SLC16A7: variants seen among roughly 807,000 people sequenced by gnomAD.
SLC16A7 encodes the protein monocarboxylate transporter 2.
A neutral mutation model predicts 34.9 loss-of-function variants in SLC16A7; 33 were observed. That is an observed-to-expected ratio of 0.94 (90% CI 0.72 to 1.26). SLC16A7 has a LOEUF of 1.26. Ranked by LOEUF, SLC16A7 falls within the 50% of genes most tolerant of loss-of-function variation. The pLI, the probability that SLC16A7 is intolerant of heterozygous loss-of-function variation, is 0.00. For synonymous variants in SLC16A7, 201 were observed against 206.6 expected (o/e 0.97, Z 0.23); for missense variants, 573 against 578.1 (o/e 0.99, Z 0.09).
At chr12:59,616,896 A>G (rs562394583) in intron 1 of SLC16A7, among the ~76,000 whole-genome samples, 20 of 152,260 alleles carry the variant, frequency 1.3e-4, no homozygotes, top group Admixed American at 8.5e-4. Flanking sequence ...TCATTACCCC[A>G]TTAAAAATCA....
Position 59,775,187 on chromosome 12 carries a change from C to G in SLC16A7, c.892C>G (p.Pro298Ala), listed in dbSNP as rs779925150. 7.4e-6 allele frequency: 12 copies of G among 1,613,962 alleles called. No homozygotes were observed. The highest frequency in any genetic ancestry group is 5.1e-6 in the Non-Finnish European group (6 of 1,180,020). ...GGCTTTCGTTGATATGTTTGCTAGG[C>G]CTTCTGTAGGATTAATTGCAAACTC... ...VMAFVDMFARPSVGLIANSKY... is the reference protein window; with the variant it reads ...VMAFVDMFARASVGLIANSKY... The change falls in exon 5 of 6, where the codon CCT becomes GCT. Residue 298 changes from proline to alanine, a missense_variant. Transcript: ENST00000547379.
chr12:59,748,989 G>C (rs559902227), intron 3 of SLC16A7, among the ~76,000 whole-genome samples: 54 of 152,244 alleles, frequency 3.5e-4, no homozygotes, highest in Non-Finnish European at 6.0e-4. Context: ...AGCTTCTACT[G>C]ACCAAAAAGC....
At chr12:59,779,037 G>T (rs1436095951) in intron 5 of SLC16A7, among the ~76,000 whole-genome samples, 1 of 152,006 alleles carries the variant, frequency 6.6e-6, no homozygotes, top group Non-Finnish European at 1.5e-5. Flanking sequence ...GAAGAGAAAA[G>T]GAAGCATGGA....
chr12:59,658,226 T>C (rs1868638671), intron 2 of SLC16A7, among the ~76,000 whole-genome samples: 1 of 151,998 alleles, frequency 6.6e-6, no homozygotes, highest in African/African-American at 2.4e-5. Context: ...TTGTGGTGCT[T>C]TTCAGTCAAT....
chr12:59,765,241 C>T (rs1260885746), intron 3 of SLC16A7, among the ~76,000 whole-genome samples: 1 of 152,078 alleles, frequency 6.6e-6, no homozygotes. Flanking sequence ...AGCCCTTTGT[C>T]AGATGAGTAG....
At chr12:59,769,029 C>A (rs902178020) in intron 3 of SLC16A7, 1 of 150,928 alleles carries the variant, frequency 6.6e-6, no homozygotes, top group African/African-American at 2.4e-5. Context: ...CCATAGCTAC[C>A]CCAGCCTTTA....
At chr12:59,645,064 C>T (rs1211314630) in intron 1 of SLC16A7, among the ~76,000 whole-genome samples, 1 of 152,146 alleles carries the variant, frequency 6.6e-6, no homozygotes, top group African/African-American at 2.4e-5. Flanking sequence ...TCTTCATTAT[C>T]TCTTATGTCT....
chr12:59,735,952 A>G (rs888221314), intron 3 of SLC16A7: 2 of 1,236,658 alleles, frequency 1.6e-6, no homozygotes, highest in Non-Finnish European at 2.1e-6. Context: ...AGCGGAATGC[A>G]TCATTCACCC....
chr12:59,664,393 AC>A (rs1869027179), intron 2 of SLC16A7, among the ~76,000 whole-genome samples: 1 of 152,102 alleles, frequency 6.6e-6, no homozygotes, highest in African/African-American at 2.4e-5. Context: ...AGAGTGGCTG[AC>A]CATGTAGGGA....
chr12:59,658,650 G>A (rs892821290), intron 2 of SLC16A7, among the ~76,000 whole-genome samples: 12 of 151,998 alleles, frequency 7.9e-5, no homozygotes, highest in Non-Finnish European at 1.8e-4. Flanking sequence ...ATGCCCAGCT[G>A]TTAATATATT....
At chr12:59,772,635 C>T (rs1284853788) in intron 4 of SLC16A7, among the ~76,000 whole-genome samples, 1 of 152,094 alleles carries the variant, frequency 6.6e-6, no homozygotes. Context: ...AGCATTTAAA[C>T]TTGATACATA....
At chr12:59,757,569 G>A (rs1392238108) in intron 3 of SLC16A7, among the ~76,000 whole-genome samples, 1 of 152,048 alleles carries the variant, frequency 6.6e-6, no homozygotes, top group Non-Finnish European at 1.5e-5. Flanking sequence ...GTCCTCTATA[G>A]AAACATTTTT....
At chr12:59,747,129 G>T (rs1878979763) in intron 3 of SLC16A7, among the ~76,000 whole-genome samples, 1 of 152,154 alleles carries the variant, frequency 6.6e-6, no homozygotes, top group Non-Finnish European at 1.5e-5. Context: ...AGTGCACCTG[G>T]CCTATTGTGT....
intron 3 of SLC16A7, among the ~76,000 whole-genome samples, chr12:59,719,460 G>C (rs1160981043): frequency 6.6e-6 from 1 of 151,810 alleles, no homozygotes; most frequent in African/African-American, 2.4e-5. Flanking sequence ...TATAACATAA[G>C]GGAAAAATAT....
intron 1 of SLC16A7, among the ~76,000 whole-genome samples, chr12:59,617,054 TGTG>T (rs1879486301): frequency 1.3e-5 from 2 of 152,060 alleles, no homozygotes; most frequent in Admixed American, 1.3e-4. Context: ...GAGTTAATAT[TGTG>T]GTGTATGAAT....
intron 2 of SLC16A7, chr12:59,689,203 C>A (rs1044516357): frequency 6.6e-6 from 1 of 151,918 alleles, no homozygotes; most frequent in African/African-American, 2.4e-5. Flanking sequence ...GTAATATATG[C>A]AACCGCTTCT....
chr12:59,724,902 A>G (rs924270868), intron 3 of SLC16A7, among the ~76,000 whole-genome samples: 1 of 152,010 alleles, frequency 6.6e-6, no homozygotes, highest in Non-Finnish European at 1.5e-5. Context: ...GAAGGTAATA[A>G]TAGAAAATTT....
At chr12:59,692,397 T>C (rs1045643379) in intron 2 of SLC16A7, among the ~76,000 whole-genome samples, 8 of 151,978 alleles carry the variant, frequency 5.3e-5, no homozygotes, top group African/African-American at 1.9e-4. Context: ...CTATTATAAC[T>C]TTTTACACAC....
In SLC16A7 at chr12:59,705,000, G is replaced by C. The variant is rs1565660881; in HGVS notation, c.199G>C (p.Ala67Pro). The change falls in exon 3 of 6, where the codon GCT (alanine) becomes CCT (proline). Residue 67 changes from alanine to proline, a missense_variant. Transcript: ENST00000547379. ...AGCATGGATTTCATCCATTATGCTG[G>C]CTGTTATGTACGCAGGAGGTAAGCT... Reference protein sequence around the residue: ...EIAWISSIMLAVMYAGGPVSS... With the variant: ...EIAWISSIMLPVMYAGGPVSS... 6.2e-7 allele frequency: 1 copy of C among 1,610,778 alleles called. No individual in the cohort carries two copies. The highest frequency in any genetic ancestry group is 8.5e-7 in the Non-Finnish European group (1 of 1,177,178).
Sources: allele counts gnomAD v4.1 joint callset (sites outside exome capture counted in the v4.1 genomes callset), GRCh38; gene constraint gnomAD v4.1.1; transcripts MANE v1.5; gene names NCBI Gene and HGNC (gene_info 2026-07-23, HGNC 2026-07-21).